The following COX10 variants were observed in gnomAD, a reference collection of about 807,000 sequenced individuals.
COX10 encodes the protein protoheme IX farnesyltransferase, mitochondrial.
COX10 carries 27 observed loss-of-function variants against 37.3 expected under a neutral mutation model. The ratio of observed to expected loss-of-function variants is 0.72; its 90% CI spans 0.53 to 1.00. COX10 has a LOEUF of 1.00. Ranked by LOEUF, COX10 falls within the 50% of genes least tolerant of loss-of-function variation. The probability of loss-of-function intolerance (pLI) is 0.00; values close to 1 mark genes in which losing one functional copy is unlikely to be tolerated. For missense variants in COX10, 475 were observed against 563.2 expected (o/e 0.84, Z 1.59); for synonymous variants, 222 against 229.1 (o/e 0.97, Z 0.28).
At chr17:14,106,310 C>A (rs1915893206) in intron 4 of COX10, among the ~76,000 whole-genome samples, 1 of 152,152 alleles carries the variant, frequency 6.6e-6, no homozygotes. Flanking sequence ...AGCCACTGCA[C>A]CCAGCCAGCA....
intron 5 of COX10, among the ~76,000 whole-genome samples, chr17:14,191,757 A>T (rs1906207461): frequency 6.6e-6 from 1 of 152,100 alleles, no homozygotes; most frequent in East Asian, 1.9e-4. Context: ...TCTCTTAACC[A>T]CTTTACTCTT....
intron 1 of COX10, among the ~76,000 whole-genome samples, chr17:14,073,867 C>G (rs1915085542): frequency 6.6e-6 from 1 of 152,150 alleles, no homozygotes; most frequent in African/African-American, 2.4e-5. Flanking sequence ...TAGAGTCATA[C>G]TCTATTGAGA....
At chr17:14,178,472 G>A (rs1303797025) in intron 5 of COX10, among the ~76,000 whole-genome samples, 2 of 140,570 alleles carry the variant, frequency 1.4e-5, no homozygotes, top group Admixed American at 7.4e-5. Flanking sequence ...CAGCCCTGTC[G>A]CCTCATTGGT....
chr17:14,125,434 T>C (rs1410484340), intron 4 of COX10, among the ~76,000 whole-genome samples: 1 of 152,236 alleles, frequency 6.6e-6, no homozygotes, highest in Admixed American at 6.5e-5. Context: ...ACAATTTGGC[T>C]ATTGAAAAAT....
intron 4 of COX10, among the ~76,000 whole-genome samples, chr17:14,108,053 T>A (rs1377942617): frequency 6.6e-6 from 1 of 152,214 alleles, no homozygotes. Flanking sequence ...GTATAGTTAT[T>A]CATTTATATC....
At chr17:14,150,008 C>T (rs985115357) in intron 4 of COX10, among the ~76,000 whole-genome samples, 1 of 152,132 alleles carries the variant, frequency 6.6e-6, no homozygotes, top group African/African-American at 2.4e-5. Context: ...CAGTGACTCA[C>T]GCCTGTAATC....
intron 4 of COX10, among the ~76,000 whole-genome samples, chr17:14,114,666 A>G (rs1916073167): frequency 6.6e-6 from 1 of 152,134 alleles, no homozygotes; most frequent in African/African-American, 2.4e-5. Flanking sequence ...AGAGTTAAAT[A>G]ATTTGGTGAA....
At chr17:14,118,977 T>G (rs1407911161) in intron 4 of COX10, among the ~76,000 whole-genome samples, 1 of 152,304 alleles carries the variant, frequency 6.6e-6, no homozygotes, top group Middle Eastern at 3.4e-3. Context: ...CTTTTGTTTT[T>G]CTCTAGTAGG....
At chr17:14,165,991 T>A (rs1905272469) in intron 5 of COX10, among the ~76,000 whole-genome samples, 1 of 152,164 alleles carries the variant, frequency 6.6e-6, no homozygotes, top group Admixed American at 6.5e-5. Flanking sequence ...AGAAGAAAAG[T>A]TTGAAGCTGA....
intron 4 of COX10, among the ~76,000 whole-genome samples, chr17:14,120,496 A>G (rs1476119003): frequency 6.6e-6 from 1 of 152,178 alleles, no homozygotes; most frequent in African/African-American, 2.4e-5. Context: ...AAGGAAGATT[A>G]ATAGAATGCT....
chr17:14,170,144 G>A (rs1396727708), intron 5 of COX10, among the ~76,000 whole-genome samples: 1 of 152,144 alleles, frequency 6.6e-6, no homozygotes, highest in Non-Finnish European at 1.5e-5. Context: ...AGTGAGCTAA[G>A]TAAACTTTTT....
chr17:14,199,268 A>G (rs945125482), intron 6 of COX10, among the ~76,000 whole-genome samples: 1 of 152,192 alleles, frequency 6.6e-6, no homozygotes, highest in East Asian at 1.9e-4. Flanking sequence ...ACGGTGTGCC[A>G]GCCTCTGGTA....
chr17:14,095,186 A>G (rs182913406), intron 3 of COX10, among the ~76,000 whole-genome samples: 1 of 152,220 alleles, frequency 6.6e-6, no homozygotes, highest in African/African-American at 2.4e-5. Context: ...GAGACTATAC[A>G]CTGAGATGTT....
intron 4 of COX10, among the ~76,000 whole-genome samples, chr17:14,151,450 G>A (rs1904888676): frequency 6.6e-6 from 1 of 151,462 alleles, no homozygotes; most frequent in South Asian, 2.1e-4. Flanking sequence ...TTCTTCCATG[G>A]ATGATGTGCT....
intron 5 of COX10, among the ~76,000 whole-genome samples, chr17:14,185,608 T>G (rs1416963362): frequency 1.3e-5 from 2 of 152,224 alleles, no homozygotes; most frequent in Non-Finnish European, 2.9e-5. Context: ...ACATATTATT[T>G]GATATATTCT....
intron 4 of COX10, among the ~76,000 whole-genome samples, chr17:14,139,103 G>A (rs771514655): frequency 2.0e-5 from 3 of 152,186 alleles, no homozygotes; most frequent in Non-Finnish European, 4.4e-5. Context: ...ACTTAGCCCA[G>A]GCTTGGTAAT....
chr17:14,111,505 A>G (rs909772918), intron 4 of COX10, among the ~76,000 whole-genome samples: 1 of 152,156 alleles, frequency 6.6e-6, no homozygotes, highest in Non-Finnish European at 1.5e-5. Flanking sequence ...TTAAAATACT[A>G]AGTTAAAGTA....
intron 6 of COX10, among the ~76,000 whole-genome samples, chr17:14,198,156 A>T (rs978732817): frequency 6.6e-6 from 1 of 152,158 alleles, no homozygotes; most frequent in Admixed American, 6.5e-5. Context: ...GGGAATGGCA[A>T]TGACAGAAGT....
chr17:14,131,511 G>A (rs1252517482), intron 4 of COX10, among the ~76,000 whole-genome samples: 1 of 151,372 alleles, frequency 6.6e-6, no homozygotes, highest in Non-Finnish European at 1.5e-5. Context: ...ATTCATTCCA[G>A]TCCTGGCTTT....
Sources: allele counts gnomAD v4.1 joint callset (sites outside exome capture counted in the v4.1 genomes callset), GRCh38; gene constraint gnomAD v4.1.1; transcripts MANE v1.5; gene names NCBI Gene and HGNC (gene_info 2026-07-23, HGNC 2026-07-21).